The following FAM114A1 variants were observed in gnomAD, a reference collection of about 807,000 sequenced individuals.
The protein encoded by FAM114A1 is protein NOXP20.
FAM114A1 carries 62 observed loss-of-function variants against 64.3 expected under a neutral mutation model. The observed-to-expected ratio is 0.96, with a 90% CI of 0.79 to 1.19. FAM114A1 has a LOEUF of 1.19. Among genes scored for constraint, FAM114A1 ranks in the 50% most tolerant of loss-of-function variants. The pLI, the probability that FAM114A1 is intolerant of heterozygous loss-of-function variation, is 0.00. For missense variants in FAM114A1, 645 were observed against 676.3 expected, an observed-to-expected ratio of 0.95 and a Z score of 0.51; for synonymous variants, 254 against 251.1, an observed-to-expected ratio of 1.01 and a Z score of -0.11.
In FAM114A1 at chr4:38,878,279, G is replaced by A. The variant is rs1560286308; in HGVS notation, c.201G>A (p.Gly67=). 2 of 1,614,176 alleles carry A rather than the reference G, an allele frequency of 1.2e-6. No homozygotes were observed. The highest frequency in any genetic ancestry group is 2.2e-5 in the East Asian group (1 of 44,892). Residue 67 remains glycine (G), a synonymous_variant, in exon 3 of 15, where the codon GGG becomes GGA. Coordinates refer to ENST00000358869, the MANE Select transcript of FAM114A1 (RefSeq NM_138389.4). ...AVQGAGAAAI[G]PPVQPQDANA... The stretch of plus-strand genomic sequence containing the variant: ...AGGGTGCAGGGGCTGCCGCCATTGG[G>A]CCCCCTGTGCAGCCTCAGGATGCCA...
rs1277548678 is a variant in FAM114A1, at chr4:38,878,073, A to G, written c.-6A>G. On this transcript the variant is annotated splice_region_variant and 5_prime_UTR_variant, in exon 3 of 15. The change creates a new upstream start codon in the 5' untranslated region. Transcript: ENST00000358869. ...GGTGTTTATAATTGTGTTGACAGATACTAAAATGTCTGATGATGCTGGTGA... is the reference window on the plus strand; with the variant it reads ...GGTGTTTATAATTGTGTTGACAGATGCTAAAATGTCTGATGATGCTGGTGA... 5 of 1,594,640 alleles carry G rather than the reference A, an allele frequency of 3.1e-6. No homozygotes were observed. The highest frequency in any genetic ancestry group is 1.7e-5 in the Admixed American group (1 of 58,836).
intron 3 of FAM114A1, among the ~76,000 whole-genome samples, chr4:38,879,102 C>T (rs1161160501): frequency 1.3e-5 from 2 of 152,190 alleles, no homozygotes; most frequent in Non-Finnish European, 2.9e-5. Context: ...AAGACTATCC[C>T]AGCAGGGTTT....
intron 3 of FAM114A1, among the ~76,000 whole-genome samples, chr4:38,888,383 TGTG>T (rs1716017406): frequency 6.6e-6 from 1 of 152,034 alleles, no homozygotes; most frequent in South Asian, 2.1e-4. Flanking sequence ...ATTACCTAAG[TGTG>T]GTGGTGCATG....
intron 8 of FAM114A1, among the ~76,000 whole-genome samples, chr4:38,915,747 GT>G (rs1718987594): frequency 7.8e-4 from 26 of 33,482 alleles, no homozygotes; most frequent in African/African-American, 5.2e-3. Context: ...CTATAGTGGT[GT>G]GTGTGTGTGT....
chr4:38,919,240 C>T (rs1335463601), intron 8 of FAM114A1, among the ~76,000 whole-genome samples: 12 of 152,168 alleles, frequency 7.9e-5, no homozygotes, highest in Non-Finnish European at 5.9e-5. Context: ...GACAAACATA[C>T]TTGTATAATG....
intron 2 of FAM114A1, among the ~76,000 whole-genome samples, chr4:38,871,589 T>G (rs1352232412): frequency 6.6e-6 from 1 of 152,150 alleles, no homozygotes; most frequent in Non-Finnish European, 1.5e-5. Flanking sequence ...AAGGGATGGT[T>G]TGTGTTGGTT....
chr4:38,896,262 TC>T (rs1284439858), intron 4 of FAM114A1, among the ~76,000 whole-genome samples: 4 of 151,942 alleles, frequency 2.6e-5, no homozygotes, highest in African/African-American at 9.7e-5. Flanking sequence ...ACTACCCACC[TC>T]CTCCCCCCAA....
intron 4 of FAM114A1, among the ~76,000 whole-genome samples, chr4:38,900,037 C>T (rs535311013): frequency 1.3e-5 from 2 of 152,122 alleles, no homozygotes; most frequent in South Asian, 4.1e-4. Context: ...TGTTTCTATA[C>T]TCTTTGGACT....
At chr4:38,912,195 CA>C (rs1039561970) in intron 7 of FAM114A1, among the ~76,000 whole-genome samples, 13 of 151,910 alleles carry the variant, frequency 8.6e-5, no homozygotes, top group Non-Finnish European at 1.8e-4. Context: ...AACACGGGGA[CA>C]GGGGGTCCTT....
At chr4:38,939,740 T>C (rs1235892213) in intron 13 of FAM114A1, among the ~76,000 whole-genome samples, 1 of 152,154 alleles carries the variant, frequency 6.6e-6, no homozygotes, top group Non-Finnish European at 1.5e-5. Flanking sequence ...AGCTGACTTA[T>C]TAAGATTGCA....
At chr4:38,881,534 G>A (rs1715274687) in intron 3 of FAM114A1, among the ~76,000 whole-genome samples, 1 of 152,184 alleles carries the variant, frequency 6.6e-6, no homozygotes, top group South Asian at 2.1e-4. Flanking sequence ...GTACCTGTGA[G>A]TTTGTTTTAA....
At chr4:38,911,196 G>A (rs1192239147) in intron 7 of FAM114A1, among the ~76,000 whole-genome samples, 2 of 152,200 alleles carry the variant, frequency 1.3e-5, no homozygotes, top group South Asian at 4.1e-4. Flanking sequence ...CCAGGATGCC[G>A]GTCCCACCCC....
rs1341054235 is a variant in FAM114A1, at chr4:38,895,925, T to G, written c.436+4095T>G. ...GATCTTATGGGACCACTGTCATAGA[T>G]GTGGCCCGTCGTTGACCGTAAGTTT... On this transcript the variant is annotated intron_variant, in intron 4 of 14. Coordinates refer to ENST00000358869, the MANE Select transcript of FAM114A1 (RefSeq NM_138389.4). 2.0e-5 allele frequency among the ~76,000 whole-genome samples: 3 copies of G among 152,342 alleles called. No homozygotes were observed. In the East Asian group the frequency reaches 5.8e-4, roughly 29 times the overall value.
chr4:38,887,380 G>A (rs1395665397), intron 3 of FAM114A1, among the ~76,000 whole-genome samples: 4 of 152,148 alleles, frequency 2.6e-5, no homozygotes, highest in African/African-American at 7.2e-5. Context: ...AGTTACACAC[G>A]TTTAAATACT....
chr4:38,934,772 A>G (rs1720942365), intron 12 of FAM114A1, among the ~76,000 whole-genome samples: 1 of 152,216 alleles, frequency 6.6e-6, no homozygotes, highest in Admixed American at 6.5e-5. Context: ...TGGAATTTTG[A>G]TATCAGTATT....
rs1043896591 is a variant in FAM114A1, at chr4:38,910,543, G to A, written c.792+1817G>A. 2.0e-5 allele frequency among the ~76,000 whole-genome samples: 3 copies of A among 152,264 alleles called. No individual in the cohort carries two copies. In the East Asian group the frequency reaches 5.8e-4, roughly 29 times the overall value. On this transcript the variant is annotated intron_variant, in intron 7 of 14. Coordinates refer to ENST00000358869, the MANE Select transcript of FAM114A1 (RefSeq NM_138389.4). ...TCTGGTATTTCAGAAAGTGACGAGC[G>A]AGTGCCATGGGGAAAAAGACAAAGT...
chr4:38,882,848 G>A (rs1715427204), intron 3 of FAM114A1, among the ~76,000 whole-genome samples: 1 of 152,208 alleles, frequency 6.6e-6, no homozygotes, highest in Admixed American at 6.5e-5. Flanking sequence ...AGGCAGCAAG[G>A]CCACCATAAC....
At chr4:38,876,440 G>T (rs754764879) in intron 2 of FAM114A1, among the ~76,000 whole-genome samples, 22 of 151,796 alleles carry the variant, frequency 1.4e-4, no homozygotes, top group Admixed American at 2.6e-4. Flanking sequence ...CAAAGTGCTG[G>T]GATTACAGGT....
chr4:38,905,779 G>T lies in FAM114A1; in HGVS notation c.575G>T (p.Gly192Val). 1 of 1,613,872 alleles carries T rather than the reference G, an allele frequency of 6.2e-7. No individual in the cohort carries two copies. The highest frequency in any genetic ancestry group is 1.3e-5 in the African/African-American group (1 of 74,978). ...GTAACAGATGCAGCCACAGATCAGG[G>T]CCCTGCAGAAAGCCCACCCACTTCC... Reference protein sequence around the residue: ...PEITDAATDQGPAESPPTSPS... With the variant: ...PEITDAATDQVPAESPPTSPS... Residue 192 changes from glycine to valine, a missense_variant, in exon 6 of 15, where the codon GGC becomes GTC. Transcript: ENST00000358869.
Sources: gnomAD v4.1 joint callset for allele counts (sites outside exome capture counted in the v4.1 genomes callset) on GRCh38, gnomAD v4.1.1 for gene constraint, MANE v1.5 for transcripts, NCBI Gene and HGNC (gene_info 2026-07-23, HGNC 2026-07-21) for gene names.